Variants in DHRS12 observed in about 807,000 individuals in gnomAD.
The protein encoded by DHRS12 is dehydrogenase/reductase SDR family member 12.
DHRS12 carries 29 observed loss-of-function variants against 32.1 expected under a neutral mutation model. That is an observed-to-expected ratio of 0.90 (90% confidence interval 0.67 to 1.23). DHRS12 has a LOEUF of 1.23. DHRS12 is among the 50% of genes most tolerant of loss of function. The pLI, the probability that DHRS12 is intolerant of heterozygous loss-of-function variation, is 0.00. For missense variants in DHRS12, 330 were observed against 337.2 expected (o/e 0.98, Z 0.17); for synonymous variants, 150 against 135.9 (o/e 1.10, Z -0.72).
Position 51,797,751 on chromosome 13 carries a change from G to A in DHRS12, c.126+1783C>T, listed in dbSNP as rs182735812. On this transcript the variant is annotated intron_variant, in intron 2 of 8. Coordinates refer to ENST00000444610, the MANE Select transcript of DHRS12 (RefSeq NM_001377533.1). ...AGGCCCTCTTCAACCCAGGGAAAGC[G>A]GGTAGGAGTCCAGCCTCCTCACAGC... 9.3e-5 allele frequency: 132 copies of A among 1,414,588 alleles called. No homozygotes were observed. In the African/African-American group the frequency reaches 1.7e-3, roughly 18 times the overall value. The allele number at this position is 1,414,588 out of a possible 1,614,324, so 87.6% of individuals were successfully genotyped here.
chr13:51,771,701 C>G (rs1872562951), intron 7 of DHRS12, 120 bp downstream of exon 7: 1 of 1,363,492 alleles, frequency 7.3e-7, no homozygotes. Flanking sequence ...GGAAATGAAG[C>G]TACTCCTCAG....
rs1938085732 is a variant in DHRS12, at chr13:51,782,521, G to A, written c.302-5400C>T. 6.6e-6 allele frequency among the ~76,000 whole-genome samples: 1 copy of A among 152,184 alleles called. No homozygotes were observed. The highest frequency in any genetic ancestry group is 6.5e-5 in the Admixed American group (1 of 15,286). On this transcript the variant is annotated intron_variant, in intron 4 of 8. Coordinates refer to ENST00000444610, the MANE Select transcript of DHRS12 (RefSeq NM_001377533.1). This position sits in a 1 kb window ranked among gnomAD's most constrained non-coding sequence, Gnocchi z 4.2. The stretch of plus-strand genomic sequence containing the variant: ...CAGAACCAGGAATATCAGGGTCATA[G>A]GTGACCTCAGCATGAGAGTGGCCAA...
chr13:51,796,510 T>C (rs1341979313), intron 2 of DHRS12, among the ~76,000 whole-genome samples: 2 of 152,178 alleles, frequency 1.3e-5, no homozygotes, highest in Non-Finnish European at 2.9e-5. Context: ...GGAACATGCT[T>C]GCTCCCCTTT....
At chr13:51,763,495 A>AGAT (rs1477228186), downstream of DHRS12, 3 of 152,154 alleles carry the variant, frequency 2.0e-5, no homozygotes, top group Admixed American at 1.3e-4. Context: ...TCATTTTCTG[A>AGAT]GATTCATTTT....
In DHRS12 at chr13:51,804,086, C is replaced by G; in HGVS notation, c.-41G>C. On this transcript the variant is annotated 5_prime_UTR_variant, in exon 1 of 9. Transcript: ENST00000444610. ...ACTCGCGCAGCCCCTTGGCGAACCA[C>G]ACGACGCTGCGGTACAGGGACATGC... is the stretch of plus-strand genomic sequence containing the variant. 1 of 1,494,920 alleles carries G rather than the reference C, an allele frequency of 6.7e-7. No homozygotes were observed. Among genetic ancestry groups the G allele is most frequent in the South Asian group, 1.2e-5 (1 of 80,114 alleles). The allele number at this position is 1,494,920 out of a possible 1,614,324, so 92.6% of individuals were successfully genotyped here.
intron 4 of DHRS12, chr13:51,789,722 G>A (rs973205214): frequency 1.0e-6 from 1 of 985,388 alleles, no homozygotes; most frequent in South Asian, 4.7e-5. Flanking sequence ...CAACACTTAA[G>A]CTGAACTTGC....
At chr13:51,800,637 A>C (rs968169758) in intron 1 of DHRS12, among the ~76,000 whole-genome samples, 1 of 152,242 alleles carries the variant, frequency 6.6e-6, no homozygotes, top group Non-Finnish European at 1.5e-5. Context: ...TGTTTACAAA[A>C]GGGTAGCCAA....
chr13:51,767,686 C>T (rs1953794006), downstream of DHRS12: 1 of 151,616 alleles, frequency 6.6e-6, no homozygotes, highest in African/African-American at 2.5e-5. Flanking sequence ...AACTAGGCCT[C>T]ATTAAATTGT....
the DHRS12 span, chr13:51,761,192 C>G: frequency 6.6e-6 from 1 of 152,090 alleles, no homozygotes; most frequent in Non-Finnish European, 1.5e-5. Context: ...ACCTACAGTG[C>G]AGGCTATGTT....
At chr13:51,801,439 T>C (rs1320657420) in intron 1 of DHRS12, among the ~76,000 whole-genome samples, 1 of 152,182 alleles carries the variant, frequency 6.6e-6, no homozygotes, top group Non-Finnish European at 1.5e-5. Flanking sequence ...CCACCCACCT[T>C]GGCTTCCCAA....
At chr13:51,785,875 G>A (rs1429361956) in intron 4 of DHRS12, among the ~76,000 whole-genome samples, 2 of 152,220 alleles carry the variant, frequency 1.3e-5, no homozygotes, top group African/African-American at 4.8e-5. Flanking sequence ...TCACAGACTG[G>A]TTTTAGACTA....
chr13:51,801,154 C>T lies in DHRS12; in HGVS notation c.-8-1487G>A, dbSNP rs1278371522. On this transcript the variant is annotated intron_variant, in intron 1 of 8. Transcript: ENST00000444610. Reference sequence around the variant, plus strand: ...CGCATCTAAGGCACTTATGACAGCACTTGGAACATATTAGGAGCTCAATAA... The same window carrying T: ...CGCATCTAAGGCACTTATGACAGCATTTGGAACATATTAGGAGCTCAATAA... Among the ~76,000 whole-genome samples the T allele has an allele frequency of 2.0e-5, 3 of 152,192 alleles. 1 individual carries two copies. The East Asian group carries it at 5.8e-4, about 29-fold the overall frequency.
At chr13:51,757,932 C>T in the DHRS12 span, among the ~76,000 whole-genome samples, 1 of 152,042 alleles carries the variant, frequency 6.6e-6, no homozygotes, top group South Asian at 2.1e-4. Flanking sequence ...GAGATTATCA[C>T]AGACACCATT....
chr13:51,760,584 TTTTAGC>T, the DHRS12 span: 1 of 152,126 alleles, frequency 6.6e-6, no homozygotes, highest in Non-Finnish European at 1.5e-5. Flanking sequence ...GAGCCTCTTG[TTTTAGC>T]TTTTTTGACG....
chr13:51,797,957 A>G (rs2139399365), intron 2 of DHRS12: 1 of 1,504,948 alleles, frequency 6.6e-7, no homozygotes, highest in Non-Finnish European at 8.9e-7. Context: ...AGAGCTACAG[A>G]AACCAGCTCT....
At chr13:51,761,064 C>G in the DHRS12 span, 1 of 152,350 alleles carries the variant, frequency 6.6e-6, no homozygotes, top group East Asian at 1.9e-4. Flanking sequence ...TCCTCGCCCT[C>G]TGTATTCTAT....
At chr13:51,758,470 G>T in the DHRS12 span, among the ~76,000 whole-genome samples, 1 of 151,018 alleles carries the variant, frequency 6.6e-6, no homozygotes, top group Non-Finnish European at 1.5e-5. Context: ...AGGATTGCTT[G>T]AGTCCAGGAG....
rs1256496106 is a variant in DHRS12 at position 51,804,053 on chromosome 13, C to G, written c.-9+1G>C. On this transcript the variant is annotated splice_donor_variant, in intron 1 of 8. Coordinates refer to ENST00000444610, the MANE Select transcript of DHRS12 (RefSeq NM_001377533.1). LOFTEE classifies it low-confidence loss of function (5UTR_SPLICE). ...CCCCGCGCCCCGCCGCGCCGCCTTA[C>G]TTGGTGTACTCGCGCAGCCCCTTGG... 3 of 1,480,948 alleles carry G rather than the reference C, an allele frequency of 2.0e-6. No homozygotes were observed. Among genetic ancestry groups the G allele is most frequent in the Non-Finnish European group, 2.7e-6 (3 of 1,122,638 alleles). 91.7% of individuals were successfully genotyped at this position (1,480,948 alleles called of 1,614,324 possible). A position where few individuals can be genotyped will look rare whatever the true frequency, so the allele number is the denominator to read the frequency against.
the DHRS12 span, chr13:51,756,321 C>G: frequency 6.2e-7 from 1 of 1,610,806 alleles, no homozygotes; most frequent in Non-Finnish European, 8.5e-7. Context: ...TATTTTATCT[C>G]CCTCCTCCAG....
Sources: allele counts gnomAD v4.1 joint callset (sites outside exome capture counted in the v4.1 genomes callset), GRCh38; gene constraint gnomAD v4.1.1; non-coding constraint Gnocchi (gnomAD v3.1); transcripts MANE v1.5; gene names NCBI Gene and HGNC (gene_info 2026-07-23, HGNC 2026-07-21).